TMPRSS9: variants seen among roughly 807,000 people sequenced by gnomAD.
TMPRSS9 encodes transmembrane serine protease 9.
TMPRSS9 carries 113 observed loss-of-function variants against 111.4 expected under a neutral mutation model. That is an observed-to-expected ratio of 1.01 (90% CI 0.87 to 1.19). TMPRSS9 has a LOEUF of 1.19. Ranked by LOEUF, TMPRSS9 falls within the 50% of genes most tolerant of loss-of-function variation. TMPRSS9 has a pLI of 0.00. For synonymous variants in TMPRSS9, 805 were observed against 659.1 expected (o/e 1.22, Z -3.39); for missense variants, 1,803 against 1,513.1 (o/e 1.19, Z -3.18).
At chr19:2,378,620 A>G (rs1410877173) in intron 1 of TMPRSS9, among the ~76,000 whole-genome samples, 8 of 152,196 alleles carry the variant, frequency 5.3e-5, no homozygotes, top group Admixed American at 5.2e-4. Flanking sequence ...TGGGAGGCTG[A>G]GGCAGAAGAA....
exon 10 of TMPRSS9, chr19:2,413,773 G>T: frequency 6.2e-7 from 1 of 1,613,904 alleles, no homozygotes; most frequent in East Asian, 2.2e-5. Context: ...GTGAGCTGGG[G>T]AATCGGGTGT....
intron 1 of TMPRSS9, among the ~76,000 whole-genome samples, chr19:2,369,597 A>ATTT (rs71178266): frequency 1.8e-5 from 2 of 110,380 alleles, no homozygotes; most frequent in Non-Finnish European, 1.8e-5. Context: ...CTAATTTGTA[A>ATTT]TTTTTTTTTT....
intron 7 of TMPRSS9, 99 bp downstream of exon 8, chr19:2,405,644 T>C (rs927050442): frequency 1.6e-6 from 2 of 1,236,026 alleles, no homozygotes; most frequent in Non-Finnish European, 2.1e-6. Flanking sequence ...TTAGAGCCCC[T>C]GGAAGTAATT....
chr19:2,362,802 G>A (rs572129041), intron 1 of TMPRSS9, among the ~76,000 whole-genome samples: 1 of 151,962 alleles, frequency 6.6e-6, no homozygotes, highest in Non-Finnish European at 1.5e-5. Flanking sequence ...GGTTGTGTGT[G>A]GTTGTATGTG....
chr19:2,405,460 A>G (rs1380412093), exon 7 of TMPRSS9: 1 of 1,608,608 alleles, frequency 6.2e-7, no homozygotes, highest in South Asian at 1.1e-5. Flanking sequence ...GTGGCAAGCC[A>G]GCCTTCGAGA....
At chr19:2,420,264 C>A (rs1971432701) in intron 13 of TMPRSS9, among the ~76,000 whole-genome samples, 1 of 152,052 alleles carries the variant, frequency 6.6e-6, no homozygotes, top group South Asian at 2.1e-4. Context: ...CATGGCGAAA[C>A]CCTGTCTCTA....
At chr19:2,423,534 TGAG>T (rs143684035) in intron 14 of TMPRSS9, among the ~76,000 whole-genome samples, 2,502 of 151,422 alleles carry the variant, frequency 0.017, 81 homozygotes, top group African/African-American at 0.058. Flanking sequence ...GGCTTGCCCC[TGAG>T]GAGGAAAACA....
At chr19:2,423,246 T>C (rs1971506286) in intron 14 of TMPRSS9, among the ~76,000 whole-genome samples, 1 of 151,644 alleles carries the variant, frequency 6.6e-6, no homozygotes, top group South Asian at 2.1e-4. Context: ...TGGGATCTCT[T>C]TGGGCCCAAA....
chr19:2,424,132 C>G, exon 15 of TMPRSS9: 1 of 1,403,288 alleles, frequency 7.1e-7, no homozygotes. Flanking sequence ...TTGTGGGCGG[C>G]AGCGCAGCGG....
At chr19:2,388,666 G>A (rs1266670816), upstream of TMPRSS9, among the ~76,000 whole-genome samples, 4 of 152,088 alleles carry the variant, frequency 2.6e-5, no homozygotes, top group Admixed American at 2.6e-4. Flanking sequence ...TGTCACCCAG[G>A]CTGGAGTACA....
exon 14 of TMPRSS9, chr19:2,421,869 C>T (rs774055340): frequency 1.2e-6 from 2 of 1,606,708 alleles, no homozygotes; most frequent in East Asian, 2.2e-5. Context: ...CTCTGGGGGC[C>T]CCCTGGCCTG....
chr19:2,369,045 G>A (rs150847881), intron 1 of TMPRSS9, among the ~76,000 whole-genome samples: 4 of 149,412 alleles, frequency 2.7e-5, no homozygotes, highest in Non-Finnish European at 4.4e-5. Flanking sequence ...TCCACCTCCC[G>A]GGTTCAAGTG....
intron 1 of TMPRSS9, among the ~76,000 whole-genome samples, chr19:2,364,752 G>A (rs1370459339): frequency 6.6e-6 from 1 of 151,954 alleles, no homozygotes; most frequent in Non-Finnish European, 1.5e-5. Context: ...TTGGGAGGCT[G>A]AGGCGGGCCG....
At chr19:2,422,308 T>G in intron 14 of TMPRSS9, 61 bp downstream of exon 15, 1 of 1,468,470 alleles carries the variant, frequency 6.8e-7, no homozygotes, top group Non-Finnish European at 9.0e-7. Flanking sequence ...CAGCCTGGGC[T>G]GCCTAACAAG....
At chr19:2,394,349 T>C (rs946557681) in intron 1 of TMPRSS9, among the ~76,000 whole-genome samples, 1 of 151,980 alleles carries the variant, frequency 6.6e-6, no homozygotes, top group Admixed American at 6.6e-5. Flanking sequence ...ATTGTGCCAC[T>C]GCACTGAAGC....
intron 17 of TMPRSS9, 56 bp from the exon 19 acceptor site, chr19:2,425,871 G>C (rs1225582088): frequency 2.0e-6 from 3 of 1,528,058 alleles, no homozygotes; most frequent in South Asian, 2.6e-5. Flanking sequence ...AATGACCCAA[G>C]GGCTGCTGTA....
chr19:2,378,069 G>A (rs932416539), intron 1 of TMPRSS9, among the ~76,000 whole-genome samples: 2 of 151,822 alleles, frequency 1.3e-5, no homozygotes, highest in African/African-American at 4.8e-5. Flanking sequence ...TCGTAGAGAT[G>A]GGGTCTCACT....
intron 6 of TMPRSS9, among the ~76,000 whole-genome samples, chr19:2,404,931 CAAAA>C (rs1044091377): frequency 1.0e-4 from 8 of 76,790 alleles, no homozygotes; most frequent in Non-Finnish European, 1.9e-4. Context: ...GACTCCATCT[CAAAA>C]AAAAAAAAAA....
At chr19:2,416,862 C>T in intron 12 of TMPRSS9, 53 bp downstream of exon 13, 6 of 1,550,342 alleles carry the variant, frequency 3.9e-6, no homozygotes, top group Middle Eastern at 1.7e-4. Flanking sequence ...AGGGCCTGGC[C>T]TGGGGAGGGT....
Sources: allele counts gnomAD v4.1 joint callset (sites outside exome capture counted in the v4.1 genomes callset), GRCh38; gene constraint gnomAD v4.1.1; transcripts MANE v1.5; gene names NCBI Gene and HGNC (gene_info 2026-07-23, HGNC 2026-07-21).